ACOXL: variants seen among roughly 807,000 people sequenced by gnomAD.
The protein encoded by ACOXL is acyl-CoA oxidase like, also known as acyl-coenzyme A oxidase-like protein.
ACOXL carries 70 observed loss-of-function variants against 71.9 expected under a neutral mutation model. That is an observed-to-expected ratio of 0.97 (90% CI 0.80 to 1.19). The LOEUF is 1.19. Among genes scored for constraint, ACOXL ranks in the 50% most tolerant of loss-of-function variants. The probability of loss-of-function intolerance (pLI) is 0.00; values close to 1 mark genes in which losing one functional copy is unlikely to be tolerated. For missense variants in ACOXL, 703 were observed against 736.3 expected, an observed-to-expected ratio of 0.95 and a Z score of 0.52; for synonymous variants, 253 against 281.6, an observed-to-expected ratio of 0.90 and a Z score of 1.02.
intron 12 of ACOXL, among the ~76,000 whole-genome samples, chr2:110,962,358 G>C (rs867353412): frequency 3.1e-4 from 47 of 152,356 alleles, no homozygotes; most frequent in Middle Eastern, 3.4e-3. Context: ...ATTATGGGGT[G>C]GGGGGAAGTG....
intron 11 of ACOXL, among the ~76,000 whole-genome samples, chr2:110,923,924 G>A (rs1298803173): frequency 6.7e-6 from 1 of 149,918 alleles, no homozygotes; most frequent in Non-Finnish European, 1.5e-5. Context: ...TGATAAGAGC[G>A]AGACTCCATC....
At chr2:110,915,180 G>A (rs1208645654) in intron 11 of ACOXL, among the ~76,000 whole-genome samples, 1 of 150,508 alleles carries the variant, frequency 6.6e-6, no homozygotes, top group Admixed American at 6.6e-5. Flanking sequence ...TTGGCTGAGT[G>A]TTTTTTTCAT....
At chr2:111,010,338 G>A (rs1279570938) in intron 14 of ACOXL, among the ~76,000 whole-genome samples, 1 of 151,910 alleles carries the variant, frequency 6.6e-6, no homozygotes, top group African/African-American at 2.4e-5. Flanking sequence ...TAAATGGATG[G>A]GATTAACAAC....
chr2:111,081,234 T>C (rs1439681663), intron 16 of ACOXL, among the ~76,000 whole-genome samples: 5 of 152,174 alleles, frequency 3.3e-5, no homozygotes, highest in African/African-American at 9.7e-5. Context: ...TCAAATTCTC[T>C]CTGTTTGCAG....
At chr2:111,022,314 G>A (rs955456862) in intron 14 of ACOXL, among the ~76,000 whole-genome samples, 6 of 152,024 alleles carry the variant, frequency 3.9e-5, no homozygotes, top group African/African-American at 1.2e-4. Flanking sequence ...GTGGTGAGCC[G>A]AGATCGTTCC....
chr2:110,895,268 A>T (rs2058961388), intron 10 of ACOXL, among the ~76,000 whole-genome samples: 2 of 152,158 alleles, frequency 1.3e-5, no homozygotes, highest in South Asian at 4.1e-4. Flanking sequence ...AAAATATATT[A>T]ACCTAAAGGA....
intron 13 of ACOXL, among the ~76,000 whole-genome samples, chr2:110,994,112 T>C (rs957304792): frequency 6.6e-6 from 1 of 152,186 alleles, no homozygotes; most frequent in Non-Finnish European, 1.5e-5. Flanking sequence ...CAATCTCAGG[T>C]GGACAAACAT....
chr2:110,914,175 TGA>T (rs34329426), intron 11 of ACOXL, among the ~76,000 whole-genome samples: 1 of 152,000 alleles, frequency 6.6e-6, no homozygotes, highest in East Asian at 1.9e-4. Flanking sequence ...ATAAAGCTGT[TGA>T]GAAAGAGAGA....
At chr2:110,799,545 TAAAC>T (rs1242180157) in intron 7 of ACOXL, among the ~76,000 whole-genome samples, 1 of 152,182 alleles carries the variant, frequency 6.6e-6, no homozygotes. Flanking sequence ...CTGTGGGGCT[TAAAC>T]AACAGAAGTG....
intron 12 of ACOXL, among the ~76,000 whole-genome samples, chr2:110,980,684 G>A (rs186583391): frequency 5.3e-5 from 8 of 152,230 alleles, no homozygotes; most frequent in African/African-American, 1.4e-4. Context: ...TCCCCAAAGC[G>A]CCTGGATAAA....
At chr2:110,788,683 T>C (rs1293489831) in intron 3 of ACOXL, among the ~76,000 whole-genome samples, 1 of 152,238 alleles carries the variant, frequency 6.6e-6, no homozygotes. Flanking sequence ...TAAAAATTAT[T>C]ATTAACTATG....
Position 111,117,958 on chromosome 2 carries a change from C to G in ACOXL, c.*142C>G. On this transcript the variant is annotated 3_prime_UTR_variant, in exon 18 of 18. Transcript: ENST00000439055. ...GATTTTGGTGGCAAAGCGGAGGTCC[C>G]GCCGAGGCTGGCGAGGTGCGCGGCT... 2 of 1,031,938 alleles carry G rather than the reference C, an allele frequency of 1.9e-6. No individual in the cohort carries two copies. Among genetic ancestry groups the G allele is most frequent in the Non-Finnish European group, 2.7e-6 (2 of 729,870 alleles). 63.9% of individuals were successfully genotyped at this position (1,031,938 alleles called of 1,614,324 possible).
Position 110,886,906 on chromosome 2 carries a change from C to A in ACOXL, c.789-21883C>A, listed in dbSNP as rs78717054. The A allele has an allele frequency of 7.7e-4, 1,174 of 1,528,270 alleles. 7 individuals are homozygous for A. In the East Asian group the frequency reaches 0.017, roughly 22 times the overall value. The allele number at this position is 1,528,270 out of a possible 1,614,324, so 94.7% of individuals were successfully genotyped here. A position where few individuals can be genotyped will look rare whatever the true frequency, so the allele number is the denominator to read the frequency against. On this transcript the variant is annotated intron_variant, in intron 10 of 17. Transcript: ENST00000439055. ...CGTTTCTTACGCTTGCTCGTGAAAT[C>A]AGCCACTTAACTGTTCTGGGTTTTC...
At chr2:110,759,970 G>A (rs1286256162) in intron 1 of ACOXL, among the ~76,000 whole-genome samples, 1 of 151,468 alleles carries the variant, frequency 6.6e-6, no homozygotes, top group Non-Finnish European at 1.5e-5. Context: ...TTTGCAAGTG[G>A]GATCTTTTCC....
At chr2:110,807,892 C>T (rs1045711577) in intron 9 of ACOXL, among the ~76,000 whole-genome samples, 1 of 152,212 alleles carries the variant, frequency 6.6e-6, no homozygotes, top group African/African-American at 2.4e-5. Flanking sequence ...AAAACTGTCA[C>T]CGCAGCTCCC....
At chr2:110,927,173 TCAAC>T (rs1183050411) in intron 11 of ACOXL, among the ~76,000 whole-genome samples, 2 of 152,096 alleles carry the variant, frequency 1.3e-5, no homozygotes, top group Non-Finnish European at 2.9e-5. Context: ...CCACACACTT[TCAAC>T]CAACCAGATA....
intron 9 of ACOXL, among the ~76,000 whole-genome samples, chr2:110,831,879 A>C (rs1689871920): frequency 1.3e-5 from 2 of 152,354 alleles, no homozygotes; most frequent in South Asian, 4.1e-4. Flanking sequence ...TCCACACATG[A>C]AAAAACAAGC....
At chr2:110,744,714 G>A (rs1677979720) in intron 1 of ACOXL, among the ~76,000 whole-genome samples, 1 of 152,212 alleles carries the variant, frequency 6.6e-6, no homozygotes, top group African/African-American at 2.4e-5. Flanking sequence ...AAACAGTCAT[G>A]TGACCTGACT....
chr2:110,964,988 C>G (rs2061864283), intron 12 of ACOXL, among the ~76,000 whole-genome samples: 1 of 152,172 alleles, frequency 6.6e-6, no homozygotes, highest in African/African-American at 2.4e-5. Context: ...GCCCCCACAC[C>G]TTTCCCAGCC....
Sources: gnomAD v4.1 joint callset for allele counts (sites outside exome capture counted in the v4.1 genomes callset) on GRCh38, gnomAD v4.1.1 for gene constraint, MANE v1.5 for transcripts, NCBI Gene and HGNC (gene_info 2026-07-23, HGNC 2026-07-21) for gene names.